PDE1A: variants seen among roughly 807,000 people sequenced by gnomAD.
PDE1A encodes the protein phosphodiesterase 1A.
A neutral mutation model predicts 61.7 loss-of-function variants in PDE1A; 35 were observed. The ratio of observed to expected loss-of-function variants is 0.57; its 90% confidence interval spans 0.43 to 0.75. PDE1A has a LOEUF of 0.75. Ranked by LOEUF, PDE1A falls within the 30% of genes least tolerant of loss-of-function variation. The probability of loss-of-function intolerance (pLI) is 0.00; values close to 1 mark genes in which losing one functional copy is unlikely to be tolerated. For synonymous variants in PDE1A, 232 were observed against 213.2 expected, an observed-to-expected ratio of 1.09 and a Z score of -0.77; for missense variants, 597 against 630.6, an observed-to-expected ratio of 0.95 and a Z score of 0.57.
chr2:182,280,230 T>G (rs1693712086), intron 1 of PDE1A, among the ~76,000 whole-genome samples: 1 of 151,826 alleles, frequency 6.6e-6, no homozygotes, highest in South Asian at 2.1e-4. Flanking sequence ...TAAGCCCCAT[T>G]TACATCTTCC....
chr2:182,450,641 G>A (rs140012638), intron 2 of PDE1A, among the ~76,000 whole-genome samples: 88 of 151,500 alleles, frequency 5.8e-4, no homozygotes, highest in South Asian at 1.7e-3. Context: ...AATCAGGCTT[G>A]TTCCTTTTAA....
chr2:182,202,182 G>C (rs908446746), intron 8 of PDE1A, among the ~76,000 whole-genome samples: 1 of 152,112 alleles, frequency 6.6e-6, no homozygotes, highest in African/African-American at 2.4e-5. Flanking sequence ...AGGAAAAAAA[G>C]TAGTCCAGTG....
rs187670090 is a variant in PDE1A at position 182,443,853 on chromosome 2, G to A, written c.101+78423C>T. ...CAAGTAGCTGGGATTACAGGCATGCGCCACCATGCCCGGCTAATTTTGTAT... is the reference window on the plus strand; with the variant it reads ...CAAGTAGCTGGGATTACAGGCATGCACCACCATGCCCGGCTAATTTTGTAT... On this transcript the variant is annotated intron_variant, in intron 2 of 14. Coordinates refer to the PDE1A transcript ENST00000410103. 8.7e-3 allele frequency among the ~76,000 whole-genome samples: 1,321 copies of A among 151,704 alleles called. 4 individuals carry two copies. Among genetic ancestry groups the A allele is most frequent in the Non-Finnish European group, 0.014 (940 of 67,922 alleles).
chr2:182,509,392 G>A (rs371517943), intron 2 of PDE1A, among the ~76,000 whole-genome samples: 1 of 152,108 alleles, frequency 6.6e-6, no homozygotes, highest in East Asian at 1.9e-4. Flanking sequence ...CTTTGAGTAC[G>A]CAAAACTAGA....
intron 2 of PDE1A, among the ~76,000 whole-genome samples, chr2:182,467,202 T>C (rs1686731260): frequency 6.6e-6 from 1 of 151,070 alleles, no homozygotes. Context: ...ATTACCAATA[T>C]CAGGAATGAA....
At chr2:182,686,387 TATGTATATCTATTC>T in the PDE1A span, among the ~76,000 whole-genome samples, 1 of 152,252 alleles carries the variant, frequency 6.6e-6, no homozygotes, top group Non-Finnish European at 1.5e-5. Context: ...TTTATTTAGA[TATGTATATCTATTC>T]ATGTATATTT....
chr2:182,237,684 G>C (rs1036139405), intron 3 of PDE1A, among the ~76,000 whole-genome samples: 7 of 152,164 alleles, frequency 4.6e-5, no homozygotes, highest in Non-Finnish European at 8.8e-5. Context: ...CACTGGCTGG[G>C]GGCAGCAATA....
At chr2:182,293,436 T>C (rs1694669039) in intron 1 of PDE1A, among the ~76,000 whole-genome samples, 1 of 152,270 alleles carries the variant, frequency 6.6e-6, no homozygotes, top group African/African-American at 2.4e-5. Flanking sequence ...TAATGATCTA[T>C]ATTTTTTTCC....
chr2:182,181,662 C>A (rs1018065843), intron 13 of PDE1A, among the ~76,000 whole-genome samples: 1 of 152,178 alleles, frequency 6.6e-6, no homozygotes, highest in Non-Finnish European at 1.5e-5. Flanking sequence ...ATCCGCTGAC[C>A]CTGCGACTGC....
At chr2:182,681,142 G>C in the PDE1A span, among the ~76,000 whole-genome samples, 1 of 151,548 alleles carries the variant, frequency 6.6e-6, no homozygotes, top group Non-Finnish European at 1.5e-5. Flanking sequence ...TACTTCACTG[G>C]GGCCTGTTTT....
At chr2:182,415,904 T>C (rs1487303758) in intron 1 of PDE1A, among the ~76,000 whole-genome samples, 1 of 152,198 alleles carries the variant, frequency 6.6e-6, no homozygotes, top group East Asian at 1.9e-4. Flanking sequence ...GAATGGGTTA[T>C]ACCTCAAAGA....
the PDE1A span, among the ~76,000 whole-genome samples, chr2:182,610,657 T>C: frequency 6.6e-6 from 1 of 151,508 alleles, no homozygotes; most frequent in African/African-American, 2.4e-5. Context: ...AAAGCTAGGG[T>C]TAAATAAAAA....
intron 1 of PDE1A, among the ~76,000 whole-genome samples, chr2:182,318,224 C>T (rs970624807): frequency 6.6e-6 from 1 of 152,084 alleles, no homozygotes; most frequent in Non-Finnish European, 1.5e-5. Flanking sequence ...TTCTCACTAG[C>T]CAAGAATTTC....
At chr2:182,581,180 A>T in the PDE1A span, among the ~76,000 whole-genome samples, 1 of 152,220 alleles carries the variant, frequency 6.6e-6, no homozygotes, top group African/African-American at 2.4e-5. Context: ...TCCCTGGAAG[A>T]TACCTATTTT....
intron 1 of PDE1A, among the ~76,000 whole-genome samples, chr2:182,288,336 G>A (rs1217772793): frequency 3.3e-5 from 5 of 152,078 alleles, no homozygotes; most frequent in Non-Finnish European, 7.4e-5. Context: ...GCCGTACACA[G>A]TGCAAATGCA....
intron 2 of PDE1A, among the ~76,000 whole-genome samples, chr2:182,481,981 C>G (rs754950021): frequency 6.6e-6 from 1 of 151,858 alleles, no homozygotes; most frequent in African/African-American, 2.4e-5. Flanking sequence ...TGGAGATATA[C>G]GATACCTTTA....
chr2:182,322,586 AAG>A (rs1696765811), intron 1 of PDE1A, among the ~76,000 whole-genome samples: 1 of 152,190 alleles, frequency 6.6e-6, no homozygotes, highest in African/African-American at 2.4e-5. Context: ...CCAGTCTCAG[AAG>A]TTTCTTCATA....
At chr2:182,191,602 G>GT (rs142730091) in intron 10 of PDE1A, among the ~76,000 whole-genome samples, 3,942 of 151,522 alleles carry the variant, frequency 0.026, 184 homozygotes, top group African/African-American at 0.09. Flanking sequence ...ACAGTCAGCT[G>GT]TATCTTTTGC....
intron 8 of PDE1A, among the ~76,000 whole-genome samples, chr2:182,203,934 AC>A (rs1456719149): frequency 6.6e-6 from 1 of 152,098 alleles, no homozygotes; most frequent in Non-Finnish European, 1.5e-5. Context: ...TAATATGTAC[AC>A]TATTTGTTAA....
Sources: allele counts gnomAD v4.1 joint callset (sites outside exome capture counted in the v4.1 genomes callset), GRCh38; gene constraint gnomAD v4.1.1; transcripts MANE v1.5; gene names NCBI Gene and HGNC (gene_info 2026-07-23, HGNC 2026-07-21).